SGK3: variants seen among roughly 807,000 people sequenced by gnomAD.
SGK3 encodes the protein serum/glucocorticoid regulated kinase family member 3, also known as serine/threonine-protein kinase Sgk3.
A neutral mutation model predicts 68.5 loss-of-function variants in SGK3; 47 were observed. The observed-to-expected ratio is 0.69, with a 90% confidence interval of 0.54 to 0.87. The LOEUF (loss-of-function observed/expected upper bound fraction) is 0.87, where lower values mean the gene tolerates loss of function less well. SGK3 is among the 40% of genes least tolerant of loss of function. SGK3 has a pLI of 0.00. For missense variants in SGK3, 479 were observed against 575.5 expected, an observed-to-expected ratio of 0.83 and a Z score of 1.72; for synonymous variants, 181 against 189.1, an observed-to-expected ratio of 0.96 and a Z score of 0.35.
chr8:66,804,598 C>T (rs1472576202), intron 4 of SGK3, 151 bp downstream of exon 4: 1 of 775,114 alleles, frequency 1.3e-6, no homozygotes, highest in Non-Finnish European at 2.0e-6. Flanking sequence ...TTACTGTCTA[C>T]TAGGCATTGT....
rs192800523 is a variant in SGK3 at position 66,719,270 on chromosome 8, T to A, written c.-122+6437T>A. ...ATATGTACACAAGAGTTTTTTTTTT[T>A]AAATGGGGATTGTTTTACACAATTT... is the stretch of plus-strand genomic sequence containing the variant. On this transcript the variant is annotated intron_variant, in intron 1 of 16. Coordinates refer to ENST00000521198, the MANE Select transcript of SGK3 (RefSeq NM_001033578.3). Among the ~76,000 whole-genome samples, 38 of 152,260 alleles carry A rather than the reference T, an allele frequency of 2.5e-4. No homozygotes were observed. The East Asian group carries it at 3.3e-3, about 13-fold the overall frequency.
intron 1 of SGK3, among the ~76,000 whole-genome samples, chr8:66,761,357 A>G (rs1304270534): frequency 6.6e-6 from 1 of 152,224 alleles, no homozygotes; most frequent in Non-Finnish European, 1.5e-5. Context: ...AATGACTACA[A>G]GAAATGTGGT....
intron 4 of SGK3, among the ~76,000 whole-genome samples, chr8:66,806,856 A>T (rs1374016871): frequency 6.6e-6 from 1 of 151,612 alleles, no homozygotes; most frequent in South Asian, 2.1e-4. Context: ...AATCTTATGG[A>T]AATGTAATAT....
intron 1 of SGK3, among the ~76,000 whole-genome samples, chr8:66,719,259 G>A (rs778206059): frequency 1.0e-4 from 15 of 146,032 alleles, no homozygotes; most frequent in Non-Finnish European, 2.0e-4. Context: ...GTACACAAGA[G>A]TTTTTTTTTT....
At chr8:66,794,657 A>G (rs1163387106) in intron 2 of SGK3, among the ~76,000 whole-genome samples, 1 of 152,050 alleles carries the variant, frequency 6.6e-6, no homozygotes, top group Non-Finnish European at 1.5e-5. Context: ...TCTTACTTCT[A>G]CTTTCTTTCT....
chr8:66,787,624 A>G (rs1456525824), intron 1 of SGK3, among the ~76,000 whole-genome samples: 2 of 152,168 alleles, frequency 1.3e-5, no homozygotes, highest in African/African-American at 4.8e-5. Context: ...CCACTTTGTC[A>G]TCGGTCCATT....
intron 13 of SGK3, among the ~76,000 whole-genome samples, chr8:66,842,415 T>A (rs567756605): frequency 8.2e-4 from 125 of 152,054 alleles, no homozygotes; most frequent in Middle Eastern, 6.8e-3. Context: ...AGAGACGGGG[T>A]TTCACCGTGT....
chr8:66,825,840 A>G (rs1028569619), intron 6 of SGK3, among the ~76,000 whole-genome samples: 5 of 152,192 alleles, frequency 3.3e-5, no homozygotes, highest in African/African-American at 1.2e-4. Flanking sequence ...TCGATATCCT[A>G]ATACTTTTCA....
At position 66,731,616 on chromosome 8, in the gene SGK3, G is replaced by C. The variant is rs187547696; in HGVS notation, c.-122+18783G>C. ...GTGGCTCGATCTCAGCTCACTGCAA[G>C]CTCTGCCTCCTGGGTTCATGCCATT... On this transcript the variant is annotated intron_variant, in intron 1 of 16. Transcript: ENST00000521198. 1.8e-4 allele frequency among the ~76,000 whole-genome samples: 28 copies of C among 152,206 alleles called. No homozygotes were observed. In the East Asian group the frequency reaches 5.0e-3, roughly 27 times the overall value.
At chr8:66,719,312 TTTTA>T (rs1355774752) in intron 1 of SGK3, among the ~76,000 whole-genome samples, 4 of 146,396 alleles carry the variant, frequency 2.7e-5, no homozygotes, top group Admixed American at 6.6e-5. Context: ...TTGTTTTTTC[TTTTA>T]TTTGTTTGTT....
At chr8:66,744,446 GA>G (rs1357990250) in intron 1 of SGK3, among the ~76,000 whole-genome samples, 1 of 129,882 alleles carries the variant, frequency 7.7e-6, no homozygotes, top group East Asian at 2.4e-4. Flanking sequence ...GTTATTTGGT[GA>G]AATTATCAAA....
At chr8:66,823,408 A>G (rs1455962539) in intron 6 of SGK3, among the ~76,000 whole-genome samples, 1 of 143,032 alleles carries the variant, frequency 7.0e-6, no homozygotes, top group Non-Finnish European at 1.5e-5. Flanking sequence ...TTTTTTGTTA[A>G]TTTTTTTTGA....
intron 3 of SGK3, among the ~76,000 whole-genome samples, chr8:66,800,375 A>ATTT (rs1807887362): frequency 1.8e-5 from 2 of 110,178 alleles, no homozygotes; most frequent in Non-Finnish European, 3.8e-5. Flanking sequence ...GAGTTTTTTC[A>ATTT]TTTCTTTTTT....
chr8:66,807,453 T>C (rs1808212817), intron 4 of SGK3, among the ~76,000 whole-genome samples: 1 of 152,190 alleles, frequency 6.6e-6, no homozygotes, highest in Non-Finnish European at 1.5e-5. Context: ...TGGTACTTTG[T>C]TTTGATGAAT....
chr8:66,726,395 G>A (rs1005842053), intron 1 of SGK3, among the ~76,000 whole-genome samples: 7 of 151,972 alleles, frequency 4.6e-5, no homozygotes, highest in African/African-American at 1.7e-4. Context: ...CTGATAAGGG[G>A]GTAAAAGCTG....
intron 16 of SGK3, among the ~76,000 whole-genome samples, chr8:66,851,431 G>A (rs933878844): frequency 1.3e-5 from 2 of 151,856 alleles, no homozygotes; most frequent in Non-Finnish European, 2.9e-5. Context: ...TGAAGCATGA[G>A]AAACACTTGA....
At chr8:66,724,846 G>A (rs1203913074) in intron 1 of SGK3, among the ~76,000 whole-genome samples, 2 of 152,108 alleles carry the variant, frequency 1.3e-5, no homozygotes, top group Non-Finnish European at 2.9e-5. Flanking sequence ...GGTGGCTCAC[G>A]CCTGGGAGGC....
At chr8:66,779,577 TATATATATATATATATATATATATA>T (rs954944140) in intron 1 of SGK3, among the ~76,000 whole-genome samples, 1 of 132,934 alleles carries the variant, frequency 7.5e-6, no homozygotes, top group African/African-American at 2.8e-5. Flanking sequence ...TATATATATA[TATATATATATATATATATATATATA>T]AAACACATTT....
At chr8:66,749,873 A>G (rs1229640707) in intron 1 of SGK3, among the ~76,000 whole-genome samples, 1 of 151,920 alleles carries the variant, frequency 6.6e-6, no homozygotes, top group African/African-American at 2.4e-5. Flanking sequence ...TAAAAAATAG[A>G]ATGACTGCCT....
Sources: allele counts gnomAD v4.1 joint callset (sites outside exome capture counted in the v4.1 genomes callset), GRCh38; gene constraint gnomAD v4.1.1; transcripts MANE v1.5; gene names NCBI Gene and HGNC (gene_info 2026-07-23, HGNC 2026-07-21).